NXPE2: variants seen among roughly 807,000 people sequenced by gnomAD.
The protein encoded by NXPE2 is neurexophilin and PC-esterase domain family member 2.
In NXPE2, 34 loss-of-function variants were observed where a neutral mutation model predicts 34.4. The ratio of observed to expected loss-of-function variants is 0.99; its 90% CI spans 0.75 to 1.31. NXPE2 has a LOEUF of 1.31. Ranked by LOEUF, NXPE2 falls within the 40% of genes most tolerant of loss-of-function variation. The pLI is 0.00. For missense variants in NXPE2, 649 were observed against 672.5 expected, an observed-to-expected ratio of 0.97 and a Z score of 0.39; for synonymous variants, 235 against 231.3, an observed-to-expected ratio of 1.02 and a Z score of -0.15.
the NXPE2 span, among the ~76,000 whole-genome samples, chr11:114,542,464 T>A: frequency 7.9e-5 from 12 of 152,180 alleles, no homozygotes; most frequent in African/African-American, 2.9e-4. Context: ...TATATTTATT[T>A]ACAGAAATAA....
At chr11:114,753,944 G>A in the NXPE2 span, among the ~76,000 whole-genome samples, 1 of 152,078 alleles carries the variant, frequency 6.6e-6, no homozygotes, top group African/African-American at 2.4e-5. Flanking sequence ...CAAACAAGAT[G>A]CAAAGTACTG....
At chr11:114,627,037 A>G in the NXPE2 span, among the ~76,000 whole-genome samples, 5 of 152,204 alleles carry the variant, frequency 3.3e-5, no homozygotes, top group African/African-American at 9.6e-5. Context: ...CCAAATCTAC[A>G]TCTCATTTGT....
chr11:114,637,454 T>C, the NXPE2 span, among the ~76,000 whole-genome samples: 4 of 151,878 alleles, frequency 2.6e-5, no homozygotes, highest in African/African-American at 4.8e-5. Context: ...GAGCATTTAG[T>C]CCATTTACAT....
chr11:114,789,910 G>A, the NXPE2 span, among the ~76,000 whole-genome samples: 30 of 152,168 alleles, frequency 2.0e-4, no homozygotes, highest in Non-Finnish European at 2.9e-4. Context: ...TCCTCTGCCC[G>A]GAGCCACCTG....
the NXPE2 span, among the ~76,000 whole-genome samples, chr11:114,538,905 A>T: frequency 6.6e-6 from 1 of 152,172 alleles, no homozygotes; most frequent in East Asian, 1.9e-4. Context: ...AACTAGAAAT[A>T]CCATTTGACC....
the NXPE2 span, among the ~76,000 whole-genome samples, chr11:114,496,748 T>A: frequency 6.6e-6 from 1 of 152,204 alleles, no homozygotes; most frequent in African/African-American, 2.4e-5. Context: ...GTGTAATGTT[T>A]TGATGAACAA....
At chr11:114,632,124 A>T in the NXPE2 span, among the ~76,000 whole-genome samples, 2 of 144,376 alleles carry the variant, frequency 1.4e-5, no homozygotes, top group Non-Finnish European at 3.0e-5. Flanking sequence ...TATATATTAT[A>T]ATAAAATATA....
chr11:114,497,464 A>G, the NXPE2 span, among the ~76,000 whole-genome samples: 1 of 152,098 alleles, frequency 6.6e-6, no homozygotes, highest in African/African-American at 2.4e-5. Context: ...ACCATTGTTT[A>G]TCTTTTATAC....
At chr11:114,761,822 C>T in the NXPE2 span, among the ~76,000 whole-genome samples, 1 of 151,982 alleles carries the variant, frequency 6.6e-6, no homozygotes, top group African/African-American at 2.4e-5. Flanking sequence ...GATCCACCCG[C>T]CTCGGCCTCC....
At chr11:114,469,406 C>T in the NXPE2 span, among the ~76,000 whole-genome samples, 10 of 151,402 alleles carry the variant, frequency 6.6e-5, no homozygotes, top group African/African-American at 2.4e-4. Context: ...AGCCACCGCG[C>T]CTTGCCACAG....
At chr11:114,540,571 T>G in the NXPE2 span, among the ~76,000 whole-genome samples, 1 of 151,500 alleles carries the variant, frequency 6.6e-6, no homozygotes, top group African/African-American at 2.4e-5. Flanking sequence ...TGGGAAATAA[T>G]TTTTTTTTAA....
At chr11:114,663,777 C>G in the NXPE2 span, among the ~76,000 whole-genome samples, 1 of 151,638 alleles carries the variant, frequency 6.6e-6, no homozygotes, top group African/African-American at 2.4e-5. Context: ...AAAAAATAGC[C>G]AAAATTTAAA....
At chr11:114,790,472 A>G in the NXPE2 span, among the ~76,000 whole-genome samples, 4 of 152,220 alleles carry the variant, frequency 2.6e-5, no homozygotes, top group African/African-American at 9.6e-5. Context: ...ATTACAAGCT[A>G]CAATTCCAGG....
the NXPE2 span, among the ~76,000 whole-genome samples, chr11:114,756,667 G>C: frequency 6.6e-6 from 1 of 151,938 alleles, no homozygotes; most frequent in Non-Finnish European, 1.5e-5. Flanking sequence ...GTTTTATACA[G>C]GGAGATAACA....
the NXPE2 span, among the ~76,000 whole-genome samples, chr11:114,789,726 G>A: frequency 2.6e-5 from 4 of 152,320 alleles, no homozygotes; most frequent in African/African-American, 9.6e-5. Context: ...TCTTGAGGCG[G>A]CCTTGGTAAA....
the NXPE2 span, among the ~76,000 whole-genome samples, chr11:114,754,594 C>A: frequency 6.6e-6 from 1 of 152,214 alleles, no homozygotes; most frequent in South Asian, 2.1e-4. Flanking sequence ...ACCAGAGAAG[C>A]TTTCCAGAAG....
In NXPE2 at chr11:114,705,765, A is replaced by T; in HGVS notation, c.929-16A>T. On this transcript the variant is annotated splice_polypyrimidine_tract_variant and intron_variant, in intron 4 of 5. Transcript: ENST00000389586. ...TGGTAATAAAAATTACTTAATCTGG[A>T]AATTTGTATTGCCAGAGAGCGAGAA... is the stretch of plus-strand genomic sequence containing the variant. 7.3e-7 allele frequency: 1 copy of T among 1,373,772 alleles called. No homozygotes were observed. The highest frequency in any genetic ancestry group is 9.6e-7 in the Non-Finnish European group (1 of 1,045,764). 85.1% of individuals were successfully genotyped at this position (1,373,772 alleles called of 1,614,324 possible). A position where few individuals can be genotyped will look rare whatever the true frequency, so the allele number is the denominator to read the frequency against.
At chr11:114,799,681 G>A in the NXPE2 span, among the ~76,000 whole-genome samples, 3 of 152,314 alleles carry the variant, frequency 2.0e-5, no homozygotes, top group African/African-American at 7.2e-5. Context: ...AGCAGAGGCT[G>A]CACCCGTTTA....
At chr11:114,664,084 A>G in the NXPE2 span, among the ~76,000 whole-genome samples, 1,386 of 152,322 alleles carry the variant, frequency 9.1e-3, 19 homozygotes, top group African/African-American at 0.032. Context: ...GATTATTTAT[A>G]GAGGTTTTAT....
Sources: gnomAD v4.1 joint callset for allele counts (sites outside exome capture counted in the v4.1 genomes callset) on GRCh38, gnomAD v4.1.1 for gene constraint, MANE v1.5 for transcripts, NCBI Gene and HGNC (gene_info 2026-07-23, HGNC 2026-07-21) for gene names.